Variants in AMZ2 observed in about 807,000 individuals in gnomAD.
AMZ2 encodes the protein archaelysin family metallopeptidase 2.
In AMZ2, 26 loss-of-function variants were observed where a neutral mutation model predicts 36.7. That is an observed-to-expected ratio of 0.71 (90% CI 0.52 to 0.98). AMZ2 has a LOEUF of 0.98. Among genes scored for constraint, AMZ2 ranks in the 50% least tolerant of loss-of-function variants. The pLI is 0.00. For missense variants in AMZ2, 394 were observed against 430.5 expected (o/e 0.92, Z 0.75); for synonymous variants, 144 against 149.1 (o/e 0.97, Z 0.25).
At chr17:68,228,580 C>T (rs1384606961) in intron 1 of AMZ2, among the ~76,000 whole-genome samples, 2 of 147,726 alleles carry the variant, frequency 1.4e-5, no homozygotes, top group African/African-American at 5.4e-5. Flanking sequence ...CCACTCTGGC[C>T]ACTCCAGCAT....
intron 1 of AMZ2, among the ~76,000 whole-genome samples, chr17:68,233,078 C>G (rs1568358069): frequency 6.6e-6 from 1 of 152,254 alleles, no homozygotes; most frequent in African/African-American, 2.4e-5. Context: ...GGAGGGCTCT[C>G]TTCCTGGTCC....
At chr17:68,256,598 G>A (rs141473879) in intron 6 of AMZ2, among the ~76,000 whole-genome samples, 50 of 152,202 alleles carry the variant, frequency 3.3e-4, no homozygotes, top group African/African-American at 1.1e-3. Context: ...TTTTCAGTGC[G>A]TACTTTTGAC....
At chr17:68,227,179 G>C (rs1568353729) in intron 1 of AMZ2, among the ~76,000 whole-genome samples, 1 of 152,186 alleles carries the variant, frequency 6.6e-6, no homozygotes, top group Admixed American at 6.5e-5. Context: ...ACCCATCTCA[G>C]CGAGAGTCAG....
chr17:68,208,642 C>G (rs1482919154), intron 1 of AMZ2, among the ~76,000 whole-genome samples: 1 of 152,178 alleles, frequency 6.6e-6, no homozygotes, highest in Non-Finnish European at 1.5e-5. Context: ...ATTGTGGAAG[C>G]TTTGTTCTTT....
chr17:68,235,833 CT>C lies in AMZ2; in HGVS notation c.-66-12794del, dbSNP rs72439805. On this transcript the variant is annotated intron_variant, in intron 1 of 7. Transcript: ENST00000674770. This position sits in a 1 kb window ranked among gnomAD's most constrained non-coding sequence, Gnocchi z 4.2. ...CTCCAAGACTTAGCCCAAAATCTTA[CT>C]TTTTTTTTTTTTCGAGATAGTTTCT... Among the ~76,000 whole-genome samples the C allele has an allele frequency of 6.5e-4, 95 of 146,396 alleles. No homozygotes were observed. Among genetic ancestry groups the C allele is most frequent in the Middle Eastern group, 3.5e-3 (1 of 286 alleles).
intron 1 of AMZ2, among the ~76,000 whole-genome samples, chr17:68,242,531 C>T (rs1555734269): frequency 6.6e-6 from 1 of 152,032 alleles, no homozygotes; most frequent in African/African-American, 2.4e-5. Flanking sequence ...CATGCCTCAG[C>T]CTCCCGAGTA....
intron 1 of AMZ2, among the ~76,000 whole-genome samples, chr17:68,225,778 A>G (rs1169034143): frequency 3.3e-5 from 5 of 152,030 alleles, no homozygotes; most frequent in African/African-American, 1.2e-4. Context: ...GCCCACCACC[A>G]TGCCCAGCTC....
chr17:68,240,595 G>C (rs1237914106), intron 1 of AMZ2, among the ~76,000 whole-genome samples: 1 of 152,178 alleles, frequency 6.6e-6, no homozygotes, highest in African/African-American at 2.4e-5. Flanking sequence ...AAGGATAAGA[G>C]TCTCAGTATC....
At chr17:68,252,691 A>G (rs1409594932) in intron 4 of AMZ2, among the ~76,000 whole-genome samples, 3 of 151,710 alleles carry the variant, frequency 2.0e-5, no homozygotes, top group Admixed American at 6.6e-5. Flanking sequence ...TTTTGGCCAG[A>G]TGGGATTTTT....
upstream of AMZ2, chr17:68,248,032 T>C (rs1455116260): frequency 3.0e-5 from 30 of 986,384 alleles, no homozygotes; most frequent in Non-Finnish European, 3.5e-5. Context: ...CCAGTGGGCG[T>C]GGCGTGGCGC....
rs1359822453 is a variant in AMZ2 at position 68,235,808 on chromosome 17, C to A, written c.-66-12832C>A. ...TGCCGTGGACTGGCCGTCCCTACCC[C>A]TCCAAGACTTAGCCCAAAATCTTAC... On this transcript the variant is annotated intron_variant, in intron 1 of 7. Coordinates refer to the AMZ2 transcript ENST00000674770. The surrounding 1 kb of genome is among the most constrained non-coding windows in gnomAD (Gnocchi z 4.2). Among the ~76,000 whole-genome samples the A allele has an allele frequency of 6.6e-6, 1 of 152,070 alleles. No individual in the cohort carries two copies. Among genetic ancestry groups the A allele is most frequent in the Non-Finnish European group, 1.5e-5 (1 of 68,000 alleles).
Position 68,207,841 on chromosome 17 carries a change from GC to G in AMZ2, c.-67+1604del, listed in dbSNP as rs1216775931. On this transcript the variant is annotated intron_variant, in intron 1 of 7. Coordinates refer to the AMZ2 transcript ENST00000674770. ...AGGCTGGAGCCGGCTCCCTCAGCTT[GC>G]GGGGGAGGTGTGGAGGGAGAGGCGC... 1.5e-4 allele frequency among the ~76,000 whole-genome samples: 23 copies of G among 148,918 alleles called. 2 individuals carry two copies. Among genetic ancestry groups the G allele is most frequent in the African/African-American group, 5.6e-4 (23 of 40,850 alleles).
At chr17:68,217,967 C>T (rs2073244344) in intron 1 of AMZ2, among the ~76,000 whole-genome samples, 1 of 152,072 alleles carries the variant, frequency 6.6e-6, no homozygotes. Context: ...CGCCCGCCAT[C>T]ACGCCCACCT....
At chr17:68,251,449 A>G (rs1315919903) in intron 4 of AMZ2, 2 of 328,946 alleles carry the variant, frequency 6.1e-6, no homozygotes, top group Non-Finnish European at 1.1e-5. Flanking sequence ...CCTGTACATA[A>G]AAAGTGTGGA....
intron 1 of AMZ2, among the ~76,000 whole-genome samples, chr17:68,234,675 C>T (rs143717485): frequency 4.0e-5 from 6 of 151,362 alleles, no homozygotes; most frequent in East Asian, 3.9e-4. Flanking sequence ...AGGGCTGAGG[C>T]GGAAGGAATG....
At chr17:68,226,281 T>C (rs540648693) in intron 1 of AMZ2, among the ~76,000 whole-genome samples, 2 of 152,256 alleles carry the variant, frequency 1.3e-5, no homozygotes, top group East Asian at 3.9e-4. Flanking sequence ...TACATTTGAC[T>C]CTGTTTTGTG....
intron 1 of AMZ2, among the ~76,000 whole-genome samples, chr17:68,216,289 A>G (rs1455274321): frequency 3.3e-5 from 5 of 151,906 alleles, no homozygotes; most frequent in Admixed American, 6.6e-5. Context: ...ATGTGCCACC[A>G]CGCCCAGCTG....
At chr17:68,232,704 G>A (rs1399989510) in intron 1 of AMZ2, among the ~76,000 whole-genome samples, 2 of 152,122 alleles carry the variant, frequency 1.3e-5, no homozygotes, top group Admixed American at 1.3e-4. Context: ...TCAGCTGGGT[G>A]TGGTGCTGCA....
At chr17:68,224,355 A>G (rs2073455580) in intron 1 of AMZ2, among the ~76,000 whole-genome samples, 1 of 152,212 alleles carries the variant, frequency 6.6e-6, no homozygotes, top group South Asian at 2.1e-4. Flanking sequence ...GGGCTTTACC[A>G]TAAGAGGGAC....
Sources: allele counts gnomAD v4.1 joint callset (sites outside exome capture counted in the v4.1 genomes callset), GRCh38; gene constraint gnomAD v4.1.1; non-coding constraint Gnocchi (gnomAD v3.1); transcripts MANE v1.5; gene names NCBI Gene and HGNC (gene_info 2026-07-23, HGNC 2026-07-21).